The following RNF220 variants were observed in gnomAD, a reference collection of about 807,000 sequenced individuals.
RNF220 encodes E3 ubiquitin-protein ligase RNF220.
RNF220 carries 7 observed loss-of-function variants against 67.1 expected under a neutral mutation model. That is an observed-to-expected ratio of 0.10 (90% CI 0.06 to 0.20). RNF220 has a LOEUF of 0.20. Among genes scored for constraint, RNF220 ranks in the 10% least tolerant of loss-of-function variants. The pLI is 1.00. For synonymous variants in RNF220, 270 were observed against 283.2 expected (o/e 0.95, Z 0.47); for missense variants, 565 against 740.3 (o/e 0.76, Z 2.75).
At chr1:44,568,137 C>A (rs1459852314) in intron 2 of RNF220, among the ~76,000 whole-genome samples, 2 of 152,300 alleles carry the variant, frequency 1.3e-5, no homozygotes, top group South Asian at 2.1e-4. Context: ...TCAGAGTGTC[C>A]TTTTCAACAA....
At chr1:44,430,141 G>C (rs1650207933) in intron 2 of RNF220, among the ~76,000 whole-genome samples, 1 of 151,494 alleles carries the variant, frequency 6.6e-6, no homozygotes, top group African/African-American at 2.4e-5. Flanking sequence ...CATATAAAAT[G>C]TCAGAGAGAT....
At chr1:44,504,664 T>C (rs191285906) in intron 2 of RNF220, among the ~76,000 whole-genome samples, 1 of 152,128 alleles carries the variant, frequency 6.6e-6, no homozygotes, top group African/African-American at 2.4e-5. Flanking sequence ...ATATCTGATT[T>C]TGTAAGCAGC....
chr1:44,465,213 C>G (rs1654161921), intron 2 of RNF220, among the ~76,000 whole-genome samples: 1 of 152,006 alleles, frequency 6.6e-6, no homozygotes, highest in Admixed American at 6.6e-5. Context: ...AAGGACACAG[C>G]TCAAACCCTC....
At position 44,649,316 on chromosome 1, in the gene RNF220, G is replaced by A. The variant is rs547654962; in HGVS notation, c.1446-345G>A. On this transcript the variant is annotated intron_variant, in intron 12 of 14. Transcript: ENST00000361799. The surrounding 1 kb of genome is among the most constrained non-coding windows in gnomAD (Gnocchi z 5.9). ...GGAAAAAGTTAGTGGTGGAATTGGT[G>A]GAAGACATCTGAGAGCCTGGACTCA... The A allele has an allele frequency of 2.7e-4, 84 of 313,716 alleles. No homozygotes were observed. Among genetic ancestry groups the A allele is most frequent in the African/African-American group, 1.7e-3 (80 of 45,854 alleles). 19.4% of individuals were successfully genotyped at this position (313,716 alleles called of 1,614,324 possible). A position where few individuals can be genotyped will look rare whatever the true frequency, so the allele number is the denominator to read the frequency against.
chr1:44,503,859 T>C (rs1658161805), intron 2 of RNF220, among the ~76,000 whole-genome samples: 1 of 151,840 alleles, frequency 6.6e-6, no homozygotes. Flanking sequence ...GGGTTGTTTT[T>C]TGTTTTTTTT....
chr1:44,561,851 A>G (rs1415798296), intron 2 of RNF220, among the ~76,000 whole-genome samples: 2 of 152,182 alleles, frequency 1.3e-5, no homozygotes, highest in Non-Finnish European at 2.9e-5. Flanking sequence ...CAGGAGGTTG[A>G]GGCTACTGTG....
intron 8 of RNF220, among the ~76,000 whole-genome samples, chr1:44,642,738 C>G (rs1644524030): frequency 6.6e-6 from 1 of 152,146 alleles, no homozygotes; most frequent in Non-Finnish European, 1.5e-5. Flanking sequence ...TGCCATGGAG[C>G]CATATTGGGC....
intron 2 of RNF220, among the ~76,000 whole-genome samples, chr1:44,604,672 C>T (rs1465690617): frequency 6.6e-6 from 1 of 152,256 alleles, no homozygotes; most frequent in African/African-American, 2.4e-5. Flanking sequence ...AGACTGACTT[C>T]ACCTGGCTGT....
intron 2 of RNF220, among the ~76,000 whole-genome samples, chr1:44,583,044 T>C (rs1201995241): frequency 1.3e-5 from 2 of 152,010 alleles, no homozygotes; most frequent in Non-Finnish European, 2.9e-5. Flanking sequence ...TCTACTGAGC[T>C]CAAGTCACTG....
intron 5 of RNF220, among the ~76,000 whole-genome samples, chr1:44,631,451 C>G (rs1046855882): frequency 6.6e-6 from 1 of 152,214 alleles, no homozygotes; most frequent in Non-Finnish European, 1.5e-5. Flanking sequence ...GAACAGGGAA[C>G]CCAAGAGGAA....
intron 2 of RNF220, among the ~76,000 whole-genome samples, chr1:44,450,158 G>A (rs557971340): frequency 2.0e-5 from 3 of 152,124 alleles, no homozygotes; most frequent in East Asian, 1.9e-4. Flanking sequence ...GCAGTGAGCC[G>A]AGATTGCGCC....
chr1:44,422,837 C>G (rs1288902863), intron 2 of RNF220, among the ~76,000 whole-genome samples: 1 of 152,202 alleles, frequency 6.6e-6, no homozygotes, highest in Non-Finnish European at 1.5e-5. Context: ...AGGAATAGTA[C>G]TGCTTCATCT....
At chr1:44,503,192 G>C (rs1205839090) in intron 2 of RNF220, among the ~76,000 whole-genome samples, 1 of 151,946 alleles carries the variant, frequency 6.6e-6, no homozygotes, top group African/African-American at 2.4e-5. Context: ...AAATTAGCTG[G>C]GTATGGTGGC....
intron 2 of RNF220, among the ~76,000 whole-genome samples, chr1:44,499,406 C>T (rs1657628329): frequency 6.6e-6 from 1 of 152,114 alleles, no homozygotes; most frequent in South Asian, 2.1e-4. Flanking sequence ...TCACTAGTGA[C>T]CTCCCTATTG....
At chr1:44,447,214 G>A (rs1652195104) in intron 2 of RNF220, among the ~76,000 whole-genome samples, 2 of 152,286 alleles carry the variant, frequency 1.3e-5, no homozygotes, top group African/African-American at 4.8e-5. Context: ...GAAGAAGAGA[G>A]GCTTTGGAGT....
intron 2 of RNF220, among the ~76,000 whole-genome samples, chr1:44,536,982 C>T (rs1431211187): frequency 6.7e-6 from 1 of 148,728 alleles, no homozygotes; most frequent in East Asian, 2.0e-4. Flanking sequence ...CCCTCCCTAC[C>T]CCTCGGTCCC....
At chr1:44,535,880 G>A (rs956122312) in intron 2 of RNF220, among the ~76,000 whole-genome samples, 3 of 152,110 alleles carry the variant, frequency 2.0e-5, no homozygotes, top group African/African-American at 4.8e-5. Context: ...AGCTGGCTAC[G>A]TGCTGTGGGT....
At chr1:44,406,954 T>C (rs1181116731) in intron 1 of RNF220, among the ~76,000 whole-genome samples, 1 of 152,092 alleles carries the variant, frequency 6.6e-6, no homozygotes. Flanking sequence ...TAGCGGGGAC[T>C]AGGGCAGCCA....
intron 2 of RNF220, among the ~76,000 whole-genome samples, chr1:44,493,695 C>T (rs1657064241): frequency 2.0e-5 from 3 of 151,982 alleles, no homozygotes; most frequent in South Asian, 4.1e-4. Context: ...TGAATTTTAG[C>T]TGGGCACAGT....
Sources: gnomAD v4.1 joint callset for allele counts (sites outside exome capture counted in the v4.1 genomes callset) on GRCh38, gnomAD v4.1.1 for gene constraint, Gnocchi (gnomAD v3.1) non-coding constraint, MANE v1.5 for transcripts, NCBI Gene and HGNC (gene_info 2026-07-23, HGNC 2026-07-21) for gene names.